SVIL: variants seen among roughly 807,000 people sequenced by gnomAD.
SVIL encodes supervillin, also known as archvillin.
A neutral mutation model predicts 240.4 loss-of-function variants in SVIL; 101 were observed. The ratio of observed to expected loss-of-function variants is 0.42; its 90% CI spans 0.36 to 0.50. SVIL has a LOEUF of 0.50. SVIL is among the 20% of genes least tolerant of loss of function. The probability of loss-of-function intolerance (pLI) is 0.01; values close to 1 mark genes in which losing one functional copy is unlikely to be tolerated. For synonymous variants in SVIL, 999 were observed against 1,100.0 expected, an observed-to-expected ratio of 0.91 and a Z score of 1.82; for missense variants, 2,512 against 2,818.7, an observed-to-expected ratio of 0.89 and a Z score of 2.46.
chr10:29,554,045 G>A (rs78114442), intron 5 of SVIL, among the ~76,000 whole-genome samples: 91 of 152,250 alleles, frequency 6.0e-4, no homozygotes, highest in Non-Finnish European at 9.3e-4. Context: ...ACTGGCCTCC[G>A]TTACCCAACA....
chr10:29,493,340 T>G lies in SVIL; in HGVS notation c.3893A>C (p.Glu1298Ala). ...VLTVTGKSVK[E>A]VMKPDDDETF... ...TTCATCATCATCTGGCTTCATCACC[T>G]CCTTCACAGATTTGCCGGTGACAGT... Residue 1298 changes from glutamate to alanine, a missense_variant, in exon 21 of 38, where the codon GAG becomes GCG. Physicochemically the swap from Glu to Ala is moderately radical, Grantham distance 107 (BLOSUM62 -1). Transcript: ENST00000355867. 6.2e-7 allele frequency: 1 copy of G among 1,614,154 alleles called. No homozygotes were observed. Among genetic ancestry groups the G allele is most frequent in the Non-Finnish European group, 8.5e-7 (1 of 1,180,020 alleles).
intron 22 of SVIL, 86 bp from the exon 23 acceptor site, chr10:29,488,842 C>T (rs984666370): frequency 3.5e-6 from 5 of 1,414,548 alleles, no homozygotes; most frequent in Non-Finnish European, 4.7e-6. Flanking sequence ...ATAACTGACT[C>T]AACACCTTTG....
intron 11 of SVIL, among the ~76,000 whole-genome samples, 154 bp from the exon 12 acceptor site, chr10:29,529,998 C>T (rs1168643964): frequency 6.6e-6 from 1 of 151,986 alleles, no homozygotes; most frequent in Non-Finnish European, 1.5e-5. Flanking sequence ...AAGTGAGACC[C>T]CCTCATCTCT....
chr10:29,550,016 G>GTA (rs1294589167), intron 6 of SVIL, among the ~76,000 whole-genome samples: 38 of 31,356 alleles, frequency 1.2e-3, no homozygotes, highest in African/African-American at 5.9e-3. Context: ...AAAACTTAAA[G>GTA]TATAAAAAAA....
chr10:29,636,083 G>A (rs1221521951), upstream of SVIL, among the ~76,000 whole-genome samples: 1 of 151,254 alleles, frequency 6.6e-6, no homozygotes, highest in Non-Finnish European at 1.5e-5. Flanking sequence ...TGTGCTAGGG[G>A]TATTTGTCCC....
At chr10:29,619,634 G>A (rs994641697) in intron 1 of SVIL, among the ~76,000 whole-genome samples, 7 of 151,740 alleles carry the variant, frequency 4.6e-5, no homozygotes, top group Non-Finnish European at 5.9e-5. Flanking sequence ...TTAAAGGCCA[G>A]CACACACATA....
upstream of SVIL, among the ~76,000 whole-genome samples, chr10:29,637,534 A>G (rs1464367897): frequency 6.6e-6 from 1 of 152,200 alleles, no homozygotes; most frequent in African/African-American, 2.4e-5. Flanking sequence ...ATCCCATATT[A>G]AGGCCTACTG....
rs757528797 is a variant in SVIL at position 29,493,328 on chromosome 10, G to T, written c.3905C>A (p.Pro1302Gln). ...TGKSVKEVMK[P>Q]DDDETFAKFY... ...TTTGGCAAAGGTTTCATCATCATCTGGCTTCATCACCTCCTTCACAGATTT... is the reference window on the plus strand; with the variant it reads ...TTTGGCAAAGGTTTCATCATCATCTTGCTTCATCACCTCCTTCACAGATTT... The change falls in exon 21 of 38, where the codon CCA becomes CAA. Residue 1302 changes from proline (P) to glutamine (Q), a missense_variant. By Grantham distance (76) the Pro-to-Gln change is moderately conservative. Transcript: ENST00000355867. 13 of 1,614,118 alleles carry T rather than the reference G, an allele frequency of 8.1e-6. No individual in the cohort carries two copies. Among genetic ancestry groups the T allele is most frequent in the Non-Finnish European group, 1.1e-5 (13 of 1,180,032 alleles).
intron 1 of SVIL, among the ~76,000 whole-genome samples, chr10:29,585,626 C>T (rs1956132927): frequency 6.6e-6 from 1 of 152,150 alleles, no homozygotes; most frequent in East Asian, 1.9e-4. Context: ...GAGCCAGCAG[C>T]ATCTCAGATG....
At chr10:29,688,257 T>C (rs1961241942) in intron 1 of SVIL, among the ~76,000 whole-genome samples, 1 of 152,222 alleles carries the variant, frequency 6.6e-6, no homozygotes, top group African/African-American at 2.4e-5. Flanking sequence ...TGAGCCTGAC[T>C]GTCTCCCCTC....
At chr10:29,530,802 T>A in intron 10 of SVIL, 134 bp from the exon 11 acceptor site, 1 of 977,882 alleles carries the variant, frequency 1.0e-6, no homozygotes, top group Non-Finnish European at 1.6e-6. Flanking sequence ...TTGGTGGTAG[T>A]TTCCCCTTGC....
In SVIL at chr10:29,486,248, C is replaced by G. The variant is rs758223370; in HGVS notation, c.4634-18G>C. On this transcript the variant is annotated intron_variant, in intron 25 of 37. Coordinates refer to ENST00000355867, the MANE Select transcript of SVIL (RefSeq NM_021738.3). The stretch of plus-strand genomic sequence containing the variant: ...TCCAGCAGCTTGGGGATAAGAAGAA[C>G]AGGAGAGCATCACATTTTACATTGC... 1 of 1,613,530 alleles carries G rather than the reference C, an allele frequency of 6.2e-7. No individual in the cohort carries two copies. The highest frequency in any genetic ancestry group is 1.1e-5 in the South Asian group (1 of 91,042).
chr10:29,630,460 C>G (rs1478624704), intron 1 of SVIL, among the ~76,000 whole-genome samples: 10 of 152,106 alleles, frequency 6.6e-5, no homozygotes, highest in Non-Finnish European at 1.3e-4. Context: ...GGACAGAGAT[C>G]TCTCTGAACC....
intron 2 of SVIL, among the ~76,000 whole-genome samples, chr10:29,673,716 A>G (rs1959983800): frequency 6.6e-6 from 1 of 152,040 alleles, no homozygotes; most frequent in African/African-American, 2.4e-5. Flanking sequence ...CCATGATCCA[A>G]TCATCTCCCA....
Position 29,463,485 on chromosome 10 carries a change from G to A in SVIL, c.6277+7C>T. On this transcript the variant is annotated splice_region_variant and intron_variant, in intron 35 of 37. Transcript: ENST00000355867. Reference sequence around the variant, plus strand: ...CCGTGCTGCAGGCATGTTAGAGGGAGCCTCACCTTTGCAGTACTGGAGCAC... The same window carrying A: ...CCGTGCTGCAGGCATGTTAGAGGGAACCTCACCTTTGCAGTACTGGAGCAC... 1 of 1,613,396 alleles carries A rather than the reference G, an allele frequency of 6.2e-7. No homozygotes were observed. Among genetic ancestry groups the A allele is most frequent in the Non-Finnish European group, 8.5e-7 (1 of 1,179,646 alleles).
intron 1 of SVIL, among the ~76,000 whole-genome samples, chr10:29,633,645 G>T (rs1409105515): frequency 6.9e-6 from 1 of 145,552 alleles, no homozygotes; most frequent in East Asian, 2.1e-4. Flanking sequence ...TCCATCTGAT[G>T]TGGTATAAAG....
chr10:29,686,946 C>T (rs1308443572), intron 1 of SVIL, among the ~76,000 whole-genome samples: 7 of 152,118 alleles, frequency 4.6e-5, no homozygotes, highest in South Asian at 2.1e-4. Flanking sequence ...CAAACAACCA[C>T]GTGCAAGGGA....
intron 1 of SVIL, among the ~76,000 whole-genome samples, chr10:29,725,612 C>T (rs1187549496): frequency 6.6e-6 from 1 of 152,132 alleles, no homozygotes; most frequent in East Asian, 1.9e-4. Context: ...GAGCTGCTTG[C>T]CTCACCAAGC....
chr10:29,547,461 A>T (rs1034222302), intron 6 of SVIL, among the ~76,000 whole-genome samples: 7 of 152,162 alleles, frequency 4.6e-5, no homozygotes, highest in African/African-American at 1.7e-4. Context: ...AATCTTTTTC[A>T]TGAAAGTAAA....
Sources: allele counts gnomAD v4.1 joint callset (sites outside exome capture counted in the v4.1 genomes callset), GRCh38; gene constraint gnomAD v4.1.1; transcripts MANE v1.5; gene names NCBI Gene and HGNC (gene_info 2026-07-23, HGNC 2026-07-21).